GCH1: variants seen among roughly 807,000 people sequenced by gnomAD.
GCH1 encodes GTP cyclohydrolase I.
GCH1 carries 5 observed loss-of-function variants against 25.9 expected under a neutral mutation model. The ratio of observed to expected loss-of-function variants is 0.19; its 90% CI spans 0.10 to 0.41. The LOEUF is 0.41. Ranked by LOEUF, GCH1 falls within the 10% of genes least tolerant of loss-of-function variation. GCH1 has a pLI of 1.00. For missense variants in GCH1, 261 were observed against 336.5 expected (o/e 0.78, Z 1.75); for synonymous variants, 159 against 129.6 (o/e 1.23, Z -1.54).
intron 1 of GCH1, among the ~76,000 whole-genome samples, chr14:54,895,386 C>CT (rs1315665440): frequency 6.6e-6 from 1 of 152,208 alleles, no homozygotes; most frequent in Non-Finnish European, 1.5e-5. Flanking sequence ...CTAAAACCTA[C>CT]TTTAACTGGA....
At chr14:54,893,693 A>C (rs972224339) in intron 1 of GCH1, among the ~76,000 whole-genome samples, 1 of 152,220 alleles carries the variant, frequency 6.6e-6, no homozygotes, top group Non-Finnish European at 1.5e-5. Flanking sequence ...ATAAAATGGG[A>C]ATAATATTGC....
intron 2 of GCH1, among the ~76,000 whole-genome samples, chr14:54,863,405 G>A (rs1274087662): frequency 9.0e-6 from 1 of 111,242 alleles, no homozygotes; most frequent in Admixed American, 1.3e-4. Flanking sequence ...CTGGGCGACA[G>A]AGCGAGACTC....
chr14:54,846,369 T>A (rs547177271), intron 4 of GCH1, among the ~76,000 whole-genome samples: 1 of 152,304 alleles, frequency 6.6e-6, no homozygotes, highest in East Asian at 1.9e-4. Context: ...TGCATCTATT[T>A]GAAAACTGAT....
intron 1 of GCH1, among the ~76,000 whole-genome samples, chr14:54,876,825 G>C (rs1313195735): frequency 6.6e-6 from 1 of 152,148 alleles, no homozygotes; most frequent in East Asian, 1.9e-4. Flanking sequence ...TCAGAAGCTA[G>C]TAAAAATGAT....
chr14:54,843,607 C>T lies in GCH1; in HGVS notation c.*410G>A. ...AAATATTTTAGCACTTTCGGCACTA[C>T]ACCACTTTTATTGGAGGAAGAAAAA... is the stretch of plus-strand genomic sequence containing the variant. On this transcript the variant is annotated 3_prime_UTR_variant, in exon 6 of 6. Transcript: ENST00000491895. The T allele has an allele frequency of 2.1e-6, 3 of 1,456,728 alleles. No individual in the cohort carries two copies. The allele number at this position is 1,456,728 out of a possible 1,614,324, so 90.2% of individuals were successfully genotyped here. A position where few individuals can be genotyped will look rare whatever the true frequency, so the allele number is the denominator to read the frequency against.
At chr14:54,856,152 T>C (rs2039808474) in intron 3 of GCH1, among the ~76,000 whole-genome samples, 1 of 152,212 alleles carries the variant, frequency 6.6e-6, no homozygotes, top group South Asian at 2.1e-4. Flanking sequence ...TCTTTGCTCA[T>C]GCATTAACTA....
rs1594971767 is a variant in GCH1, at chr14:54,847,667, T to C, written c.510-537A>G. 4.4e-5 allele frequency among the ~76,000 whole-genome samples: 3 copies of C among 68,528 alleles called. 1 individual carries two copies. The highest frequency in any genetic ancestry group is 1.6e-4 in the African/African-American group (3 of 18,974). 45.0% of individuals were successfully genotyped at this position (68,528 alleles called of 152,430 possible). ...AGTCAATACTTAATAAACTCCCCTT[T>C]ATATATATATATATATCTCCTATTA... is the stretch of plus-strand genomic sequence containing the variant. On this transcript the variant is annotated intron_variant, in intron 3 of 5. Coordinates refer to ENST00000491895, the MANE Select transcript of GCH1 (RefSeq NM_000161.3).
rs2039600916 is a variant in GCH1, at chr14:54,844,029, G to T, written c.741C>A (p.Leu247=). The change falls in exon 6 of 6, where the codon CTC becomes CTA. Residue 247 remains leucine, a synonymous_variant. Transcript: ENST00000491895. ...DPKTREEFLT[L]IRS ...CACTGAATGAAGCTCAGCTCCTAAT[G>T]AGAGTCAGGAACTCTTCCCGAGTCT... 1 of 1,614,022 alleles carries T rather than the reference G, an allele frequency of 6.2e-7. No homozygotes were observed. Among genetic ancestry groups the T allele is most frequent in the South Asian group, 1.1e-5 (1 of 91,072 alleles).
At position 54,902,313 on chromosome 14, in the gene GCH1, GCA is replaced by G; in HGVS notation, c.343+6_343+7del. ...CCGCACGCTCTAGCAGCCCGCGGGC[GCA>G]CTGACCTGAGATGGTCTCCTGGTAG... is the stretch of plus-strand genomic sequence containing the variant. On this transcript the variant is annotated splice_donor_region_variant and intron_variant, in intron 1 of 5. Transcript: ENST00000491895. 1 of 1,611,410 alleles carries G rather than the reference GCA, an allele frequency of 6.2e-7. No homozygotes were observed.
intron 5 of GCH1, among the ~76,000 whole-genome samples, chr14:54,844,569 G>A (rs1011943176): frequency 2.0e-5 from 3 of 152,188 alleles, no homozygotes; most frequent in Non-Finnish European, 4.4e-5. Flanking sequence ...GCTAGCCTAG[G>A]TGTTCAGATA....
intron 1 of GCH1, among the ~76,000 whole-genome samples, chr14:54,884,415 G>C (rs2040316898): frequency 6.6e-6 from 1 of 151,956 alleles, no homozygotes; most frequent in African/African-American, 2.4e-5. Flanking sequence ...TCTATGCATG[G>C]AACAGAAACA....
At chr14:54,899,478 A>C (rs1427655254) in intron 1 of GCH1, among the ~76,000 whole-genome samples, 1 of 151,918 alleles carries the variant, frequency 6.6e-6, no homozygotes, top group South Asian at 2.1e-4. Flanking sequence ...AAATAAACAT[A>C]ATAATAATAA....
chr14:54,857,070 A>G (rs891775479), intron 3 of GCH1, among the ~76,000 whole-genome samples: 4 of 152,244 alleles, frequency 2.6e-5, no homozygotes, highest in Non-Finnish European at 5.9e-5. Context: ...CTTATAAGGA[A>G]TAAGTAGTTG....
intron 2 of GCH1, among the ~76,000 whole-genome samples, chr14:54,862,539 T>G (rs2140068928): frequency 6.6e-6 from 1 of 151,078 alleles, no homozygotes; most frequent in South Asian, 2.1e-4. Flanking sequence ...CATGCCACCA[T>G]GCTAGCTAAT....
In GCH1 at chr14:54,865,529, G is replaced by A. The variant is rs144909725; in HGVS notation, c.344-93C>T. 1.3e-3 allele frequency: 892 copies of A among 710,870 alleles called. 6 individuals are homozygous for A. The African/African-American group carries it at 0.013, about 10-fold the overall frequency. 44.0% of individuals were successfully genotyped at this position (710,870 alleles called of 1,614,324 possible). A position where few individuals can be genotyped will look rare whatever the true frequency, so the allele number is the denominator to read the frequency against. ...GAATAGACAGTCAACATAAACGAAC[G>A]TTAATCCTCCCTAAAATATTAAGGG... On this transcript the variant is annotated intron_variant, in intron 1 of 5. Transcript: ENST00000491895.
At chr14:54,845,107 A>T (rs2039620910) in intron 5 of GCH1, among the ~76,000 whole-genome samples, 1 of 151,908 alleles carries the variant, frequency 6.6e-6, no homozygotes, top group Non-Finnish European at 1.5e-5. Context: ...TGGGAGGCAG[A>T]GGTTGCAGTG....
At chr14:54,873,077 T>C (rs1023574218) in intron 1 of GCH1, among the ~76,000 whole-genome samples, 2 of 152,030 alleles carry the variant, frequency 1.3e-5, no homozygotes, top group East Asian at 1.9e-4. Context: ...ATCACACTTA[T>C]TCCAAAATTG....
In GCH1 at chr14:54,843,556, T is replaced by C; in HGVS notation, c.*461A>G. On this transcript the variant is annotated 3_prime_UTR_variant, in exon 6 of 6. Coordinates refer to ENST00000491895, the MANE Select transcript of GCH1 (RefSeq NM_000161.3). ...ATGACCAAAGTGAAGTCTGTTGAAC[T>C]TGAATTCACAGAGCAATACCGCACT... 2.9e-6 allele frequency: 4 copies of C among 1,368,258 alleles called. No homozygotes were observed. The highest frequency in any genetic ancestry group is 3.8e-6 in the Non-Finnish European group (4 of 1,061,142). The allele number at this position is 1,368,258 out of a possible 1,614,324, so 84.8% of individuals were successfully genotyped here.
At chr14:54,853,390 A>G (rs117230317) in intron 3 of GCH1, among the ~76,000 whole-genome samples, 2,315 of 152,316 alleles carry the variant, frequency 0.015, 36 homozygotes, top group South Asian at 0.049. Flanking sequence ...TGCTCTTCCT[A>G]GAATAATGCT....
Sources: allele counts gnomAD v4.1 joint callset (sites outside exome capture counted in the v4.1 genomes callset), GRCh38; gene constraint gnomAD v4.1.1; transcripts MANE v1.5; gene names NCBI Gene and HGNC (gene_info 2026-07-23, HGNC 2026-07-21).